Variants in TAOK1 observed in about 807,000 individuals in gnomAD.
The protein encoded by TAOK1 is TAO kinase 1, also known as serine/threonine-protein kinase TAO1.
TAOK1 carries 21 observed loss-of-function variants against 138.3 expected under a neutral mutation model. The ratio of observed to expected loss-of-function variants is 0.15; its 90% confidence interval spans 0.11 to 0.22. The LOEUF is 0.22. TAOK1 is among the 10% of genes least tolerant of loss of function. The pLI, the probability that TAOK1 is intolerant of heterozygous loss-of-function variation, is 1.00. For missense variants in TAOK1, 651 were observed against 1,227.7 expected (o/e 0.53, Z 7.02); for synonymous variants, 361 against 398.4 (o/e 0.91, Z 1.12).
intron 8 of TAOK1, among the ~76,000 whole-genome samples, chr17:29,482,723 G>T: frequency 6.7e-6 from 1 of 148,654 alleles, no homozygotes; most frequent in African/African-American, 2.5e-5. Flanking sequence ...GTAACAGTTT[G>T]ATATATATAT....
intron 13 of TAOK1, among the ~76,000 whole-genome samples, chr17:29,507,511 A>G (rs1231411083): frequency 6.6e-6 from 1 of 152,180 alleles, no homozygotes; most frequent in African/African-American, 2.4e-5. Flanking sequence ...TAAAAACACT[A>G]TCCTCTGAAT....
chr17:29,474,556 G>A (rs1274716922), intron 3 of TAOK1, among the ~76,000 whole-genome samples: 2 of 152,114 alleles, frequency 1.3e-5, no homozygotes, highest in African/African-American at 4.8e-5. Context: ...CCAAGGAAAG[G>A]GAGACAGACT....
intron 1 of TAOK1, among the ~76,000 whole-genome samples, chr17:29,436,668 A>G (rs927879697): frequency 6.6e-6 from 1 of 152,260 alleles, no homozygotes; most frequent in African/African-American, 2.4e-5. Context: ...ATGGTTTACA[A>G]TAACTTAACA....
chr17:29,532,653 G>A (rs997411437), intron 18 of TAOK1, among the ~76,000 whole-genome samples: 69 of 152,148 alleles, frequency 4.5e-4, no homozygotes, highest in African/African-American at 1.6e-3. Context: ...GGAGAGTACC[G>A]GGTTGGGGGT....
Position 29,502,449 on chromosome 17 carries a change from G to C in TAOK1, c.1204-140G>C, listed in dbSNP as rs184259354. 3 of 917,218 alleles carry C rather than the reference G, an allele frequency of 3.3e-6. No individual in the cohort carries two copies. The East Asian group carries it at 7.9e-5, about 24-fold the overall frequency. 56.8% of individuals were successfully genotyped at this position (917,218 alleles called of 1,614,324 possible). A position where few individuals can be genotyped will look rare whatever the true frequency, so the allele number is the denominator to read the frequency against. ...TGTTTCTAAAGAAAAAAGAAGACCA[G>C]CATTTCTACTTTTTGGCTTTGCTTT... On this transcript the variant is annotated intron_variant, in intron 12 of 19. Transcript: ENST00000261716.
intron 2 of TAOK1, among the ~76,000 whole-genome samples, chr17:29,463,863 CAAT>C (rs2030590656): frequency 6.6e-6 from 1 of 152,168 alleles, no homozygotes; most frequent in South Asian, 2.1e-4. Context: ...TCTTACAACT[CAAT>C]AATAAAAAGA....
intron 1 of TAOK1, among the ~76,000 whole-genome samples, chr17:29,397,614 AT>A (rs371281909): frequency 0.033 from 2,218 of 66,456 alleles, 127 homozygotes; most frequent in African/African-American, 0.039. Context: ...CCCCAAAAAA[AT>A]ATATATATAT....
chr17:29,518,750 C>CTTTTATTTAA (rs11271070), intron 16 of TAOK1, among the ~76,000 whole-genome samples: 1 of 150,390 alleles, frequency 6.6e-6, no homozygotes, highest in South Asian at 2.1e-4. Context: ...TTTATTTTTA[C>CTTTTATTTAA]TTTATCTATT....
intron 7 of TAOK1, 25 bp from the exon 8 acceptor site, chr17:29,482,172 A>C: frequency 6.5e-7 from 1 of 1,549,990 alleles, no homozygotes. Context: ...AAAAATCTTT[A>C]ATTTAAATTA....
chr17:29,460,814 A>C (rs2030513546), intron 2 of TAOK1, among the ~76,000 whole-genome samples: 2 of 151,568 alleles, frequency 1.3e-5, no homozygotes, highest in Non-Finnish European at 2.9e-5. Context: ...CAGAGAGCTT[A>C]GTTAGTAGCA....
chr17:29,488,529 GC>G (rs2031224764), intron 8 of TAOK1, among the ~76,000 whole-genome samples: 2 of 151,470 alleles, frequency 1.3e-5, no homozygotes, highest in African/African-American at 4.8e-5. Context: ...CCAAGATCGT[GC>G]CATTGCACTC....
intron 1 of TAOK1, among the ~76,000 whole-genome samples, chr17:29,443,460 T>G (rs1422558950): frequency 1.3e-5 from 2 of 152,164 alleles, no homozygotes; most frequent in Non-Finnish European, 2.9e-5. Flanking sequence ...GATTTTATTC[T>G]TGTTTTATCA....
chr17:29,447,719 C>A (rs866161474), intron 1 of TAOK1, among the ~76,000 whole-genome samples: 1 of 150,954 alleles, frequency 6.6e-6, no homozygotes, highest in Non-Finnish European at 1.5e-5. Flanking sequence ...TGCAATGACA[C>A]GATCTTGGCT....
intron 1 of TAOK1, among the ~76,000 whole-genome samples, chr17:29,406,373 A>G (rs1227469994): frequency 6.6e-6 from 1 of 152,010 alleles, no homozygotes; most frequent in Non-Finnish European, 1.5e-5. Flanking sequence ...AAAAAAAATA[A>G]AAGTACAAAG....
intron 12 of TAOK1, among the ~76,000 whole-genome samples, 167 bp downstream of exon 12, chr17:29,498,688 C>A (rs1468538438): frequency 2.6e-5 from 4 of 152,056 alleles, no homozygotes; most frequent in Non-Finnish European, 4.4e-5. Context: ...GAGGCCGAGG[C>A]GGGTGGATCA....
At chr17:29,531,342 G>A (rs984659496) in intron 18 of TAOK1, among the ~76,000 whole-genome samples, 30 of 151,772 alleles carry the variant, frequency 2.0e-4, no homozygotes, top group Admixed American at 1.2e-3. Flanking sequence ...GCAGTAGTGC[G>A]ATCTCAACTC....
chr17:29,525,169 A>G (rs2031988792), intron 17 of TAOK1, among the ~76,000 whole-genome samples: 1 of 151,920 alleles, frequency 6.6e-6, no homozygotes, highest in African/African-American at 2.4e-5. Context: ...CTGGAATGCA[A>G]TGGCACGATC....
rs2031257625 is a variant in TAOK1, at chr17:29,489,770, A to AAT, written c.749+22_749+23dup. 2.6e-6 allele frequency: 4 copies of AAT among 1,541,472 alleles called. No homozygotes were observed. Among genetic ancestry groups the AAT allele is most frequent in the African/African-American group, 1.4e-5 (1 of 72,678 alleles). Reference sequence around the variant, plus strand: ...AGTCTAATGAATGGTGAGTATTGTTAATATATATATTGCTCAGTGTTGAAT... The same window carrying AAT: ...AGTCTAATGAATGGTGAGTATTGTTAATATATATATATTGCTCAGTGTTGAAT... On this transcript the variant is annotated intron_variant, in intron 9 of 19. Coordinates refer to ENST00000261716, the MANE Select transcript of TAOK1 (RefSeq NM_020791.4).
chr17:29,392,210 C>G (rs1345645421), intron 1 of TAOK1, among the ~76,000 whole-genome samples: 1 of 151,140 alleles, frequency 6.6e-6, no homozygotes, highest in African/African-American at 2.4e-5. Flanking sequence ...AGCGAGACTC[C>G]GTTTCAAAAA....
Sources: allele counts gnomAD v4.1 joint callset (sites outside exome capture counted in the v4.1 genomes callset), GRCh38; gene constraint gnomAD v4.1.1; transcripts MANE v1.5; gene names NCBI Gene and HGNC (gene_info 2026-07-23, HGNC 2026-07-21).